NAV1: variants seen among roughly 807,000 people sequenced by gnomAD.
NAV1 encodes the protein neuron navigator 1.
Under a neutral mutation model 175.2 loss-of-function variants are expected in NAV1, and 18 were observed. The ratio of observed to expected loss-of-function variants is 0.10; its 90% CI spans 0.07 to 0.15. The LOEUF (loss-of-function observed/expected upper bound fraction) is 0.15. Among genes scored for constraint, NAV1 ranks in the 10% least tolerant of loss-of-function variants. The pLI, the probability that NAV1 is intolerant of heterozygous loss-of-function variation, is 1.00. For missense variants in NAV1, 1,731 were observed against 2,436.6 expected, an observed-to-expected ratio of 0.71 and a Z score of 6.10; for synonymous variants, 897 against 978.7, an observed-to-expected ratio of 0.92 and a Z score of 1.56.
At chr1:201,595,192 G>A (rs1171747006) in intron 2 of NAV1, among the ~76,000 whole-genome samples, 1 of 152,178 alleles carries the variant, frequency 6.6e-6, no homozygotes, top group African/African-American at 2.4e-5. Flanking sequence ...CCGAGCTAAG[G>A]TGTCTGCCTC....
At position 201,783,665 on chromosome 1, in the gene NAV1, C is replaced by G. The variant is rs546176659; in HGVS notation, c.2617C>G (p.Arg873Gly). 4.3e-6 allele frequency: 7 copies of G among 1,614,082 alleles called. No homozygotes were observed. The East Asian group carries it at 1.6e-4, about 36-fold the overall frequency. ...TGGTTTCAGTGTGCCAAAAGAGACC[C>G]GCATGTACCCCAAACTCTCAGGCCT... Residue 873 changes from arginine to glycine, a missense_variant, in exon 7 of 30, where the codon CGC becomes GGC. Arg to Gly is a moderately radical substitution (Grantham distance 125). Transcript: ENST00000367296.
At chr1:201,667,125 T>G (rs1172968820) in intron 1 of NAV1, among the ~76,000 whole-genome samples, 1 of 152,096 alleles carries the variant, frequency 6.6e-6, no homozygotes, top group Non-Finnish European at 1.5e-5. Context: ...TCTGAGAGAT[T>G]AAGTGCAAAC....
intron 3 of NAV1, among the ~76,000 whole-genome samples, chr1:201,720,013 G>A (rs890471561): frequency 6.6e-6 from 1 of 152,250 alleles, no homozygotes; most frequent in Admixed American, 6.5e-5. Flanking sequence ...CATGAATGGA[G>A]TTGTTTACTG....
chr1:201,676,561 C>A (rs753483247), intron 1 of NAV1, among the ~76,000 whole-genome samples: 1 of 150,922 alleles, frequency 6.6e-6, no homozygotes, highest in African/African-American at 2.5e-5. Flanking sequence ...AGAGCTGACT[C>A]GCAGGAAATA....
intron 3 of NAV1, among the ~76,000 whole-genome samples, chr1:201,746,227 C>T (rs931695647): frequency 6.6e-6 from 1 of 152,106 alleles, no homozygotes; most frequent in Non-Finnish European, 1.5e-5. Context: ...GGGATTTTAT[C>T]CAAGTGCAGC....
chr1:201,649,439 C>A lies in NAV1; in HGVS notation c.757+14C>A. The A allele has an allele frequency of 6.8e-7, 1 of 1,463,890 alleles. No individual in the cohort carries two copies. The highest frequency in any genetic ancestry group is 9.1e-7 in the Non-Finnish European group (1 of 1,100,398). The allele number at this position is 1,463,890 out of a possible 1,614,324, so 90.7% of individuals were successfully genotyped here. ...GCCAGATGCTGGGTAAGTCCTGCCGCCCCGCCCCGCCCCGCCCCTGGCTTT... is the reference window on the plus strand; with the variant it reads ...GCCAGATGCTGGGTAAGTCCTGCCGACCCGCCCCGCCCCGCCCCTGGCTTT... On this transcript the variant is annotated intron_variant, in intron 1 of 29. Coordinates refer to ENST00000367296, the Ensembl canonical transcript of NAV1.
At chr1:201,668,969 G>A (rs1020519130) in intron 1 of NAV1, among the ~76,000 whole-genome samples, 1 of 152,170 alleles carries the variant, frequency 6.6e-6, no homozygotes, top group African/African-American at 2.4e-5. Flanking sequence ...TAGGGAAAAT[G>A]CATGACCAAT....
chr1:201,649,145 C>G, exon 1 of NAV1: 1 of 1,611,920 alleles, frequency 6.2e-7, no homozygotes, highest in Non-Finnish European at 8.5e-7. Flanking sequence ...GCGCCAAGAC[C>G]CCCCTGGCTC....
chr1:201,648,082 A>C (rs906510556), upstream of NAV1, among the ~76,000 whole-genome samples: 1 of 136,840 alleles, frequency 7.3e-6, no homozygotes, highest in East Asian at 2.2e-4. Context: ...TAGACACACT[A>C]TCTCTCCCCC....
intron 1 of NAV1, among the ~76,000 whole-genome samples, chr1:201,562,189 GT>G (rs1490750874): frequency 1.7e-5 from 1 of 58,706 alleles, no homozygotes; most frequent in Non-Finnish European, 2.9e-5. Flanking sequence ...TTTTTTTTTT[GT>G]AGAGACAGCT....
intron 13 of NAV1, 114 bp downstream of exon 17, chr1:201,790,880 G>A (rs1677070639): frequency 1.1e-6 from 1 of 926,818 alleles, no homozygotes; most frequent in African/African-American, 1.6e-5. Context: ...GAGACGTCAA[G>A]GGCATGCGTC....
chr1:201,708,652 C>G (rs1671772345), intron 1 of NAV1, among the ~76,000 whole-genome samples: 1 of 152,112 alleles, frequency 6.6e-6, no homozygotes, highest in Non-Finnish European at 1.5e-5. Context: ...CTAATTTGCA[C>G]AAAGGTGCCA....
chr1:201,670,975 A>G (rs534740556), intron 1 of NAV1, among the ~76,000 whole-genome samples: 1 of 152,236 alleles, frequency 6.6e-6, no homozygotes, highest in African/African-American at 2.4e-5. Flanking sequence ...AATGGTGATG[A>G]CTAGAGCAGT....
chr1:201,669,407 C>T (rs1005574055), intron 1 of NAV1, among the ~76,000 whole-genome samples: 3 of 151,874 alleles, frequency 2.0e-5, no homozygotes, highest in Admixed American at 6.6e-5. Context: ...CACAGAGGTC[C>T]GAGGAGGCTC....
At chr1:201,580,129 TTTTTTGTTCTGCC>T (rs970807962) in intron 1 of NAV1, among the ~76,000 whole-genome samples, 12 of 152,330 alleles carry the variant, frequency 7.9e-5, no homozygotes, top group Admixed American at 4.6e-4. Context: ...GCAAATTCAC[TTTTTTGTTCTGCC>T]TTTTTGTTCA....
chr1:201,810,397 A>C lies in NAV1; in HGVS notation c.4562-126A>C. The C allele has an allele frequency of 1.1e-6, 1 of 925,436 alleles. No homozygotes were observed. Among genetic ancestry groups the C allele is most frequent in the Non-Finnish European group, 1.6e-6 (1 of 617,786 alleles). The allele number at this position is 925,436 out of a possible 1,614,324, so 57.3% of individuals were successfully genotyped here. A position where few individuals can be genotyped will look rare whatever the true frequency, so the allele number is the denominator to read the frequency against. On this transcript the variant is annotated intron_variant, in intron 23 of 29. Transcript: ENST00000367296. This position sits in a 1 kb window ranked among gnomAD's most constrained non-coding sequence, Gnocchi z 6.0. ...CTAGGGGTTAAGGGACTCTTATGGA[A>C]CCATGGGGCAAGTGGCTCTGAGTTT...
At chr1:201,726,280 G>A (rs769846650) in intron 3 of NAV1, among the ~76,000 whole-genome samples, 1 of 152,146 alleles carries the variant, frequency 6.6e-6, no homozygotes, top group Non-Finnish European at 1.5e-5. Context: ...AATCATTTTT[G>A]CCTTAAGAGG....
In NAV1 at chr1:201,813,273, C is replaced by G; in HGVS notation, c.5340+15C>G. On this transcript the variant is annotated intron_variant, in intron 28 of 29. Coordinates refer to ENST00000367296, the Ensembl canonical transcript of NAV1. The surrounding 1 kb of genome is among the most constrained non-coding windows in gnomAD (Gnocchi z 4.2). ...ATGGGATAAAGGTGAGCCCTACCCC[C>G]TTCACTCAAACCCTAAGATCAGGCT... 6.5e-7 allele frequency: 1 copy of G among 1,529,210 alleles called. No individual in the cohort carries two copies. Among genetic ancestry groups the G allele is most frequent in the South Asian group, 1.1e-5 (1 of 88,580 alleles). 94.7% of individuals were successfully genotyped at this position (1,529,210 alleles called of 1,614,324 possible).
chr1:201,726,421 A>T (rs1412729836), intron 3 of NAV1, among the ~76,000 whole-genome samples: 2 of 152,110 alleles, frequency 1.3e-5, no homozygotes, highest in Non-Finnish European at 2.9e-5. Context: ...AGGTGGGTAG[A>T]TGTCCTGAGG....
Sources: allele counts gnomAD v4.1 joint callset (sites outside exome capture counted in the v4.1 genomes callset), GRCh38; gene constraint gnomAD v4.1.1; non-coding constraint Gnocchi (gnomAD v3.1); transcripts MANE v1.5; gene names NCBI Gene and HGNC (gene_info 2026-07-23, HGNC 2026-07-21).